Variants in SKA3 observed in about 807,000 individuals in gnomAD.
SKA3 encodes spindle and kinetochore associated complex subunit 3.
Under a neutral mutation model 44.2 loss-of-function variants are expected in SKA3, and 39 were observed. The ratio of observed to expected loss-of-function variants is 0.88; its 90% CI spans 0.68 to 1.15. The LOEUF is 1.15. Ranked by LOEUF, SKA3 falls within the 50% of genes most tolerant of loss-of-function variation. The pLI, the probability that SKA3 is intolerant of heterozygous loss-of-function variation, is 0.00. For synonymous variants in SKA3, 192 were observed against 172.0 expected (o/e 1.12, Z -0.91); for missense variants, 511 against 485.8 (o/e 1.05, Z -0.49).
chr13:21,153,870 T>C lies in SKA3; in HGVS notation c.*1280A>G, dbSNP rs953404938. 3 of 152,262 alleles carry C rather than the reference T, an allele frequency of 2.0e-5. No homozygotes were observed. Among genetic ancestry groups the C allele is most frequent in the African/African-American group, 7.2e-5 (3 of 41,462 alleles). 9.4% of individuals were successfully genotyped at this position (152,262 alleles called of 1,614,324 possible). A position where few individuals can be genotyped will look rare whatever the true frequency, so the allele number is the denominator to read the frequency against. The stretch of plus-strand genomic sequence containing the variant: ...TACATTTCAGAGTCAATGGCATACA[T>C]AAGGCTGACTACAGCTTTACTTTGA... On this transcript the variant is annotated 3_prime_UTR_variant, in exon 9 of 9. Transcript: ENST00000314759.
intron 1 of SKA3, among the ~76,000 whole-genome samples, chr13:21,175,601 AG>A (rs1164578888): frequency 1.3e-5 from 2 of 152,200 alleles, no homozygotes; most frequent in African/African-American, 4.8e-5. Flanking sequence ...AAGTGACTGG[AG>A]ATCATTCATT....
intron 3 of SKA3, among the ~76,000 whole-genome samples, chr13:21,169,693 T>C (rs1022259456): frequency 2.6e-5 from 4 of 152,166 alleles, no homozygotes; most frequent in African/African-American, 7.2e-5. Flanking sequence ...CTTTACCACC[T>C]GAGACACTAG....
intron 4 of SKA3, among the ~76,000 whole-genome samples, chr13:21,166,669 G>A (rs1308348678): frequency 2.6e-5 from 4 of 152,172 alleles, no homozygotes; most frequent in Non-Finnish European, 5.9e-5. Context: ...AGTGGTGGAG[G>A]TTGCAGTGAG....
intron 1 of SKA3, among the ~76,000 whole-genome samples, chr13:21,174,126 T>C (rs1407149202): frequency 6.6e-6 from 1 of 152,198 alleles, no homozygotes; most frequent in Non-Finnish European, 1.5e-5. Context: ...TAGGAACACT[T>C]TTACACTGTT....
chr13:21,172,184 C>T, intron 3 of SKA3, 155 bp downstream of exon 3: 4 of 510,288 alleles, frequency 7.8e-6, no homozygotes, highest in Admixed American at 7.7e-5. Flanking sequence ...CAAAAGCACA[C>T]CACACAGTGA....
intron 3 of SKA3, among the ~76,000 whole-genome samples, chr13:21,169,016 T>G (rs929596577): frequency 1.8e-4 from 28 of 152,118 alleles, no homozygotes; most frequent in African/African-American, 5.5e-4. Context: ...TTTCATAATA[T>G]TTTTTCTTTC....
intron 4 of SKA3, 69 bp downstream of exon 4, chr13:21,167,918 GA>G (rs1018664073): frequency 2.9e-4 from 327 of 1,112,982 alleles, no homozygotes; most frequent in African/African-American, 1.0e-3. Context: ...ATTTCTTCTG[GA>G]AAAAAAATCA....
intron 3 of SKA3, among the ~76,000 whole-genome samples, chr13:21,170,689 C>CTGT (rs149604641): frequency 0.017 from 2,572 of 152,212 alleles, 74 homozygotes; most frequent in African/African-American, 0.058. Context: ...TATCACAGTG[C>CTGT]TGTCATTTCA....
chr13:21,154,382 G>C lies in SKA3; in HGVS notation c.*768C>G, dbSNP rs1869977278. The C allele has an allele frequency of 6.6e-6, 1 of 152,560 alleles. No individual in the cohort carries two copies. Among genetic ancestry groups the C allele is most frequent in the Non-Finnish European group, 1.5e-5 (1 of 68,332 alleles). 9.5% of individuals were successfully genotyped at this position (152,560 alleles called of 1,614,324 possible). A position where few individuals can be genotyped will look rare whatever the true frequency, so the allele number is the denominator to read the frequency against. On this transcript the variant is annotated 3_prime_UTR_variant, in exon 9 of 9. Transcript: ENST00000314759. The stretch of plus-strand genomic sequence containing the variant: ...CTAACAGTGCACAGGAGGGCCCCTG[G>C]CCCAGGATGAGCCCTCAGAACCTTT...
chr13:21,161,788 A>C lies in SKA3; in HGVS notation c.829+2T>G. On this transcript the variant is annotated splice_donor_variant, in intron 5 of 8. Coordinates refer to ENST00000314759, the MANE Select transcript of SKA3 (RefSeq NM_145061.6). LOFTEE classifies it high-confidence loss of function. ...GAGAAGTAACTTGATTCTTATACTT[A>C]CCACTTTTTTCCAACTGCTGGATGA... 3 of 1,608,978 alleles carry C rather than the reference A, an allele frequency of 1.9e-6. No homozygotes were observed. In the Admixed American group the frequency reaches 5.0e-5, roughly 27 times the overall value.
chr13:21,155,717 C>A lies in SKA3; in HGVS notation c.1214G>T (p.Arg405Leu). 6.2e-7 allele frequency: 1 copy of A among 1,605,134 alleles called. No individual in the cohort carries two copies. The highest frequency in any genetic ancestry group is 1.1e-5 in the South Asian group (1 of 90,914). Residue 405 changes from arginine to leucine, a missense_variant, in exon 8 of 9, where the codon CGA becomes CTA. Arg to Leu is a moderately radical substitution (Grantham distance 102). Coordinates refer to ENST00000314759, the MANE Select transcript of SKA3 (RefSeq NM_145061.6). The part of the protein sequence containing the change: ...KRFLKHGQNI[R>L]DVSNKEN ...CCAGTTTTCTTTGTTGCTGACATCT[C>A]GGATGTTCTGTCCATGTTTAAGGAA...
chr13:21,169,840 G>A (rs1030300835), intron 3 of SKA3, among the ~76,000 whole-genome samples: 1 of 152,098 alleles, frequency 6.6e-6, no homozygotes, highest in Non-Finnish European at 1.5e-5. Context: ...GTTTCGCCAT[G>A]TTGCCCAGGC....
Position 21,168,087 on chromosome 13 carries a change from C to T in SKA3, c.644G>A (p.Cys215Tyr), listed in dbSNP as rs751074539. The T allele has an allele frequency of 5.0e-6, 8 of 1,614,186 alleles. No homozygotes were observed. The East Asian group carries it at 6.7e-5, about 13-fold the overall frequency. The stretch of plus-strand genomic sequence containing the variant: ...AAAGTGTTCTAATTTAGGAGTTACA[C>T]ACTCAAAATCATCCATTTTTAGTGC... Reference protein sequence around the residue: ...KCALKMDDFECVTPKLEHFGI... With the variant: ...KCALKMDDFEYVTPKLEHFGI... Residue 215 changes from cysteine to tyrosine, a missense_variant, in exon 4 of 9, where the codon TGT (cysteine) becomes TAT (tyrosine). Transcript: ENST00000314759.
chr13:21,170,684 C>T (rs1029354921), intron 3 of SKA3, among the ~76,000 whole-genome samples: 6 of 151,854 alleles, frequency 4.0e-5, no homozygotes, highest in African/African-American at 1.5e-4. Flanking sequence ...GTATTTATCA[C>T]AGTGCTGTCA....
intron 4 of SKA3, among the ~76,000 whole-genome samples, chr13:21,164,231 A>G (rs1436109484): frequency 1.3e-5 from 2 of 152,204 alleles, no homozygotes; most frequent in Non-Finnish European, 2.9e-5. Flanking sequence ...TTGGTCAAAT[A>G]TTTTATGATA....
chr13:21,156,538 T>C (rs1049356284), intron 7 of SKA3, among the ~76,000 whole-genome samples: 1 of 152,114 alleles, frequency 6.6e-6, no homozygotes, highest in African/African-American at 2.4e-5. Flanking sequence ...GAAGCAACCA[T>C]AGGGAAGTGG....
rs181788405 is a variant in SKA3, at chr13:21,176,095, T to C, written c.103+280A>G. Among the ~76,000 whole-genome samples the C allele has an allele frequency of 9.2e-5, 14 of 152,348 alleles. No homozygotes were observed. The East Asian group carries it at 2.7e-3, about 29-fold the overall frequency. On this transcript the variant is annotated intron_variant, in intron 1 of 8. Coordinates refer to ENST00000314759, the MANE Select transcript of SKA3 (RefSeq NM_145061.6). ...GCTGCTGTCTCTGTTTATAACGTAA[T>C]AGTGCTACTTTCATTATCTCAAGAG...
intron 4 of SKA3, among the ~76,000 whole-genome samples, chr13:21,164,917 A>G (rs1177916355): frequency 1.3e-5 from 2 of 152,158 alleles, no homozygotes; most frequent in African/African-American, 4.8e-5. Flanking sequence ...ATAAACAAAT[A>G]TCGTTAAGAT....
At chr13:21,172,777 T>C (rs1277279598) in intron 1 of SKA3, 96 bp from the exon 2 acceptor site, 3 of 696,860 alleles carry the variant, frequency 4.3e-6, no homozygotes, top group African/African-American at 1.8e-5. Context: ...TATAATGACA[T>C]TGGTCAATCA....
Sources: allele counts gnomAD v4.1 joint callset (sites outside exome capture counted in the v4.1 genomes callset), GRCh38; gene constraint gnomAD v4.1.1; transcripts MANE v1.5; gene names NCBI Gene and HGNC (gene_info 2026-07-23, HGNC 2026-07-21).